TTC23L: variants seen among roughly 807,000 people sequenced by gnomAD.
TTC23L encodes tetratricopeptide repeat domain 23 like.
Under a neutral mutation model 48.1 loss-of-function variants are expected in TTC23L, and 42 were observed. That is an observed-to-expected ratio of 0.87 (90% CI 0.68 to 1.13). The LOEUF is 1.13. Ranked by LOEUF, TTC23L falls within the 50% of genes most tolerant of loss-of-function variation. The probability of loss-of-function intolerance (pLI) is 0.00; values close to 1 mark genes in which losing one functional copy is unlikely to be tolerated. For synonymous variants in TTC23L, 159 were observed against 157.2 expected (o/e 1.01, Z -0.09); for missense variants, 391 against 421.0 (o/e 0.93, Z 0.62).
intron 10 of TTC23L, among the ~76,000 whole-genome samples, chr5:34,897,520 A>C (rs1763310243): frequency 6.6e-6 from 1 of 152,130 alleles, no homozygotes; most frequent in South Asian, 2.1e-4. Context: ...ACGAGGTCTC[A>C]CTATGTTGCC....
intron 4 of TTC23L, among the ~76,000 whole-genome samples, chr5:34,852,837 C>T (rs1483055585): frequency 6.6e-6 from 1 of 152,106 alleles, no homozygotes; most frequent in East Asian, 1.9e-4. Flanking sequence ...TTTCATGTGG[C>T]TTGTGAGGCC....
At chr5:34,847,088 T>C (rs2150353375) in intron 3 of TTC23L, among the ~76,000 whole-genome samples, 1 of 152,286 alleles carries the variant, frequency 6.6e-6, no homozygotes, top group East Asian at 1.9e-4. Flanking sequence ...GCTTGTACCT[T>C]GACTTCCTGG....
chr5:34,850,367 C>T, intron 4 of TTC23L, 59 bp downstream of exon 4: 3 of 1,607,204 alleles, frequency 1.9e-6, no homozygotes, highest in Admixed American at 1.7e-5. Context: ...AACTGACCCA[C>T]ACAACCTCAG....
In TTC23L at chr5:34,845,374, A is replaced by T. The variant is rs1670727474; in HGVS notation, c.69-113A>T. The T allele has an allele frequency of 3.6e-6, 4 of 1,099,688 alleles. No homozygotes were observed. In the Middle Eastern group the frequency reaches 6.8e-4, roughly 186 times the overall value. The allele number at this position is 1,099,688 out of a possible 1,614,324, so 68.1% of individuals were successfully genotyped here. A position where few individuals can be genotyped will look rare whatever the true frequency, so the allele number is the denominator to read the frequency against. ...TGCCTAGCTTTATTCCTTCCGGTTTATGTTAGAAATCATGTCCCTATCCCC... is the reference window on the plus strand; with the variant it reads ...TGCCTAGCTTTATTCCTTCCGGTTTTTGTTAGAAATCATGTCCCTATCCCC... On this transcript the variant is annotated intron_variant, in intron 2 of 10. Transcript: ENST00000505624.
chr5:34,871,222 C>T (rs938097943), intron 8 of TTC23L, among the ~76,000 whole-genome samples: 1 of 152,014 alleles, frequency 6.6e-6, no homozygotes, highest in African/African-American at 2.4e-5. Context: ...AGCAAGGTCA[C>T]AGGATACAAG....
intron 9 of TTC23L, among the ~76,000 whole-genome samples, chr5:34,889,028 G>T (rs547456644): frequency 2.8e-4 from 43 of 152,220 alleles, no homozygotes; most frequent in African/African-American, 1.0e-3. Flanking sequence ...GTCAAAGAGA[G>T]TTTTGTATAG....
chr5:34,902,634 A>C (rs933647704), downstream of TTC23L, among the ~76,000 whole-genome samples: 6 of 152,232 alleles, frequency 3.9e-5, no homozygotes, highest in African/African-American at 1.4e-4. Context: ...GCAGAAGCAC[A>C]CATATACTAA....
the TTC23L span, chr5:34,911,779 C>T: frequency 6.5e-3 from 10,420 of 1,614,138 alleles, 45 homozygotes; most frequent in Non-Finnish European, 6.8e-3. Flanking sequence ...GTAACCATAA[C>T]CTTGGTAACA....
intron 9 of TTC23L, among the ~76,000 whole-genome samples, chr5:34,889,054 T>C (rs1263931754): frequency 6.6e-6 from 1 of 152,220 alleles, no homozygotes; most frequent in African/African-American, 2.4e-5. Context: ...TCTCAGTCTT[T>C]AACCTTGACG....
At chr5:34,890,161 T>C (rs1252666021) in intron 9 of TTC23L, among the ~76,000 whole-genome samples, 1 of 151,470 alleles carries the variant, frequency 6.6e-6, no homozygotes, top group African/African-American at 2.4e-5. Context: ...TTTGGGTATC[T>C]TGGCTGGGCA....
chr5:34,862,980 G>A (rs1437987331), exon 5 of TTC23L: 2 of 1,613,994 alleles, frequency 1.2e-6, no homozygotes, highest in Admixed American at 1.7e-5. Context: ...CCTCAAATAA[G>A]GAGAAAGAGG....
intron 4 of TTC23L, among the ~76,000 whole-genome samples, chr5:34,855,767 GT>G (rs1760079797): frequency 6.6e-6 from 1 of 152,128 alleles, no homozygotes; most frequent in South Asian, 2.1e-4. Flanking sequence ...GCAGTATGGT[GT>G]TTATAATACG....
At chr5:34,920,972 C>T in the TTC23L span, 1 of 152,152 alleles carries the variant, frequency 6.6e-6, no homozygotes, top group Non-Finnish European at 1.5e-5. Context: ...TTAAGCAATT[C>T]TCCTGCCTCA....
At chr5:34,895,650 T>C (rs1233647837) in intron 9 of TTC23L, among the ~76,000 whole-genome samples, 5 of 152,188 alleles carry the variant, frequency 3.3e-5, no homozygotes, top group African/African-American at 4.8e-5. Flanking sequence ...ATTAGTGATA[T>C]TCAGTCCTCT....
chr5:34,900,736 A>G (rs1763487786), downstream of TTC23L, among the ~76,000 whole-genome samples: 1 of 152,182 alleles, frequency 6.6e-6, no homozygotes, highest in Admixed American at 6.5e-5. Flanking sequence ...TATGGGTCCC[A>G]TGGTATTATA....
Position 34,846,598 on chromosome 5 carries a change from T to TAC in TTC23L, c.255+926_255+927insCA, listed in dbSNP as rs1318595576. 2.8e-3 allele frequency among the ~76,000 whole-genome samples: 359 copies of TAC among 127,218 alleles called. 38 individuals are homozygous for TAC. The highest frequency in any genetic ancestry group is 0.011 in the African/African-American group (319 of 29,376). The allele number at this position is 127,218 out of a possible 152,430, so 83.5% of individuals were successfully genotyped here. ...AAAAATATATATATATATATATATA[T>TAC]ATACACACACATATATATACACACA... On this transcript the variant is annotated intron_variant, in intron 3 of 10. Transcript: ENST00000505624.
rs768053008 is a variant in TTC23L at position 34,842,726 on chromosome 5, G to C, written c.68+1987G>C. On this transcript the variant is annotated intron_variant, in intron 2 of 10. Coordinates refer to ENST00000505624, the Ensembl canonical transcript of TTC23L. ...GATTGCCTCCAGCAAACCCTCTGTC[G>C]GCAGGAGCACTCGTGAGTTTGCTCA... 4.6e-5 allele frequency among the ~76,000 whole-genome samples: 7 copies of C among 152,106 alleles called. No homozygotes were observed. In the South Asian group the frequency reaches 1.5e-3, roughly 32 times the overall value.
the TTC23L span, chr5:34,925,204 A>C: frequency 6.7e-7 from 1 of 1,484,014 alleles, no homozygotes; most frequent in Non-Finnish European, 9.1e-7. Flanking sequence ...AAAAGCATCT[A>C]ATCTTTTTTT....
chr5:34,913,443 T>C, the TTC23L span: 2 of 1,351,226 alleles, frequency 1.5e-6, no homozygotes, highest in South Asian at 1.4e-5. Context: ...ATAACACTTT[T>C]ATGTCTTTAT....
Sources: allele counts gnomAD v4.1 joint callset (sites outside exome capture counted in the v4.1 genomes callset), GRCh38; gene constraint gnomAD v4.1.1; transcripts MANE v1.5; gene names NCBI Gene and HGNC (gene_info 2026-07-23, HGNC 2026-07-21).